The following PLAA variants were observed in gnomAD, a reference collection of about 807,000 sequenced individuals.
PLAA encodes the protein phospholipase A-2-activating protein.
PLAA carries 48 observed loss-of-function variants against 84.1 expected under a neutral mutation model. The ratio of observed to expected loss-of-function variants is 0.57; its 90% CI spans 0.45 to 0.73. The LOEUF (loss-of-function observed/expected upper bound fraction) is 0.73, where lower values mean the gene tolerates loss of function less well. PLAA is among the 30% of genes least tolerant of loss of function. The probability of loss-of-function intolerance (pLI) is 0.00; values close to 1 mark genes in which losing one functional copy is unlikely to be tolerated. For missense variants in PLAA, 903 were observed against 954.7 expected (o/e 0.95, Z 0.71); for synonymous variants, 392 against 336.6 (o/e 1.16, Z -1.80).
At chr9:26,931,644 A>G (rs566195986) in intron 2 of PLAA, among the ~76,000 whole-genome samples, 1 of 152,340 alleles carries the variant, frequency 6.6e-6, no homozygotes, top group South Asian at 2.1e-4. Flanking sequence ...AGAACACATT[A>G]AAGGAAACAA....
intron 10 of PLAA, chr9:26,916,199 G>T (rs114921811): frequency 0.047 from 46,152 of 985,160 alleles, 1,410 homozygotes; most frequent in African/African-American, 0.14. Flanking sequence ...ATGACTTAGA[G>T]AGGACTGTAG....
At chr9:26,907,753 C>G in intron 13 of PLAA, 81 bp downstream of exon 13, 1 of 1,236,546 alleles carries the variant, frequency 8.1e-7, no homozygotes, top group Non-Finnish European at 1.1e-6. Context: ...TTCATTTAAT[C>G]CACAAATACC....
At chr9:26,909,479 A>G (rs1248408261) in intron 12 of PLAA, among the ~76,000 whole-genome samples, 1 of 152,190 alleles carries the variant, frequency 6.6e-6, no homozygotes, top group Non-Finnish European at 1.5e-5. Context: ...AACCCAATTA[A>G]TTCTCATCAT....
intron 2 of PLAA, among the ~76,000 whole-genome samples, chr9:26,934,475 C>CTTTTTTTT (rs67138338): frequency 9.6e-5 from 9 of 93,344 alleles, no homozygotes; most frequent in East Asian, 6.6e-4. Flanking sequence ...GAACACTTTA[C>CTTTTTTTT]TTTTTTTTTT....
chr9:26,943,260 C>A (rs991881886), intron 1 of PLAA, among the ~76,000 whole-genome samples: 5 of 152,190 alleles, frequency 3.3e-5, no homozygotes, highest in Admixed American at 2.0e-4. Context: ...TGTCTCCACT[C>A]TGAAGGTCCA....
chr9:26,930,383 A>G (rs866952793), intron 2 of PLAA, among the ~76,000 whole-genome samples: 12 of 152,044 alleles, frequency 7.9e-5, no homozygotes, highest in South Asian at 2.1e-4. Flanking sequence ...GATTACAGGC[A>G]TGAGCCACTT....
intron 2 of PLAA, among the ~76,000 whole-genome samples, chr9:26,929,711 G>A (rs1343836730): frequency 6.6e-6 from 1 of 152,152 alleles, no homozygotes; most frequent in Non-Finnish European, 1.5e-5. Context: ...CTGAATGAGT[G>A]TTTGCTCTGA....
At position 26,935,058 on chromosome 9, in the gene PLAA, C is replaced by A. The variant is rs201814139; in HGVS notation, c.298G>T (p.Asp100Tyr). ...AGAATATAAAGTGGCATTGGACTGT[C>A]CAGTGAGAAAATGCATATATTGTGG... The part of the protein sequence containing the change: ...NDHNICIFSL[D>Y]SPMPLYILKG... The change falls in exon 2 of 14, where the codon GAC becomes TAC. Residue 100 changes from aspartate (D) to tyrosine (Y), a missense_variant. Physicochemically the swap from Asp to Tyr is radical, Grantham distance 160 (BLOSUM62 -3). Coordinates refer to ENST00000397292, the MANE Select transcript of PLAA (RefSeq NM_001031689.3). The A allele has an allele frequency of 1.1e-4, 172 of 1,608,694 alleles. No individual in the cohort carries two copies. The Admixed American group carries it at 2.8e-3, about 27-fold the overall frequency.
chr9:26,908,360 G>T (rs1026346111), intron 12 of PLAA, among the ~76,000 whole-genome samples: 1 of 151,610 alleles, frequency 6.6e-6, no homozygotes, highest in African/African-American at 2.4e-5. Context: ...TAGAGACGGG[G>T]TTTCACCACA....
chr9:26,924,150 G>A (rs941696812), intron 6 of PLAA, among the ~76,000 whole-genome samples: 6 of 151,948 alleles, frequency 3.9e-5, no homozygotes, highest in African/African-American at 1.5e-4. Context: ...TTTTCTTTGA[G>A]ACAGGGTCCA....
At position 26,942,699 on chromosome 9, in the gene PLAA, T is replaced by G. The variant is rs536452237; in HGVS notation, c.149+4198A>C. Among the ~76,000 whole-genome samples, 70 of 151,908 alleles carry G rather than the reference T, an allele frequency of 4.6e-4. No individual in the cohort carries two copies. The East Asian group carries it at 0.01, about 22-fold the overall frequency. On this transcript the variant is annotated intron_variant, in intron 1 of 13. Coordinates refer to ENST00000397292, the MANE Select transcript of PLAA (RefSeq NM_001031689.3). ...AGATCCAGACCATCCTGGCTAACAC[T>G]GTGAAACCCCGTCTCTACTAAAAAT...
At chr9:26,930,048 A>G (rs1190402470) in intron 2 of PLAA, among the ~76,000 whole-genome samples, 1 of 151,586 alleles carries the variant, frequency 6.6e-6, no homozygotes. Flanking sequence ...ATTCTCTACT[A>G]CTGTGACATT....
chr9:26,947,154 GC>G lies in PLAA; in HGVS notation c.-110del, dbSNP rs1337003729. ...CGGGAGAAGAGCCTGCAGGTAAGGGGCGGCCGGAGACCGGAAGAGCCCGAGA... is the reference window on the plus strand; with the variant it reads ...CGGGAGAAGAGCCTGCAGGTAAGGGGGGCCGGAGACCGGAAGAGCCCGAGA... On this transcript the variant is annotated 5_prime_UTR_variant, in exon 1 of 14. Transcript: ENST00000397292. 1 of 1,303,336 alleles carries G rather than the reference GC, an allele frequency of 7.7e-7. No homozygotes were observed. Among genetic ancestry groups the G allele is most frequent in the African/African-American group, 1.6e-5 (1 of 64,216 alleles). 80.7% of individuals were successfully genotyped at this position (1,303,336 alleles called of 1,614,324 possible). A position where few individuals can be genotyped will look rare whatever the true frequency, so the allele number is the denominator to read the frequency against.
chr9:26,921,152 C>A (rs1468419199), intron 7 of PLAA, among the ~76,000 whole-genome samples: 1 of 152,132 alleles, frequency 6.6e-6, no homozygotes, highest in Non-Finnish European at 1.5e-5. Flanking sequence ...AGCCACAGAG[C>A]CTTTGTATTA....
intron 10 of PLAA, chr9:26,915,860 G>T: frequency 1.0e-6 from 1 of 985,276 alleles, no homozygotes; most frequent in Non-Finnish European, 1.2e-6. Flanking sequence ...AAAAAAAGCC[G>T]CCAAAGTGAT....
rs201598009 is a variant in PLAA at position 26,920,207 on chromosome 9, G to C, written c.1197+20C>G. 25 of 1,600,810 alleles carry C rather than the reference G, an allele frequency of 1.6e-5. No homozygotes were observed. The Admixed American group carries it at 3.8e-4, about 25-fold the overall frequency. On this transcript the variant is annotated intron_variant, in intron 8 of 13. Transcript: ENST00000397292. The stretch of plus-strand genomic sequence containing the variant: ...CTAATATTTAAGACAATAGTAATTA[G>C]AAAGTAGAAGTCGACATACTTTCCC...
intron 9 of PLAA, among the ~76,000 whole-genome samples, chr9:26,918,561 A>G (rs751127872): frequency 4.0e-4 from 61 of 152,318 alleles, no homozygotes; most frequent in Non-Finnish European, 3.2e-4. Flanking sequence ...GTGGATCTAC[A>G]TAAGGATTTG....
chr9:26,910,606 T>C (rs1824369939), intron 11 of PLAA, among the ~76,000 whole-genome samples, 167 bp from the exon 12 acceptor site: 1 of 151,748 alleles, frequency 6.6e-6, no homozygotes, highest in Non-Finnish European at 1.5e-5. Context: ...TTGTATAATT[T>C]ATATTTATTG....
At chr9:26,927,957 T>A in intron 4 of PLAA, 143 bp downstream of exon 4, 1 of 883,968 alleles carries the variant, frequency 1.1e-6, no homozygotes, top group Non-Finnish European at 1.7e-6. Context: ...TATTAACTCA[T>A]CAGAAAAATT....
Sources: allele counts gnomAD v4.1 joint callset (sites outside exome capture counted in the v4.1 genomes callset), GRCh38; gene constraint gnomAD v4.1.1; transcripts MANE v1.5; gene names NCBI Gene and HGNC (gene_info 2026-07-23, HGNC 2026-07-21).